PTPRK: variants seen among roughly 807,000 people sequenced by gnomAD.
PTPRK encodes the protein receptor-type tyrosine-protein phosphatase kappa.
Under a neutral mutation model 178.0 loss-of-function variants are expected in PTPRK, and 75 were observed. The observed-to-expected ratio is 0.42, with a 90% CI of 0.35 to 0.51. The LOEUF (loss-of-function observed/expected upper bound fraction) is 0.51, where lower values mean the gene tolerates loss of function less well. PTPRK is among the 20% of genes least tolerant of loss of function. The pLI is 0.02. For missense variants in PTPRK, 1,441 were observed against 1,797.8 expected (o/e 0.80, Z 3.59); for synonymous variants, 637 against 620.6 (o/e 1.03, Z -0.39).
intron 10 of PTPRK, among the ~76,000 whole-genome samples, chr6:128,080,403 T>C (rs543682033): frequency 1.3e-5 from 2 of 152,122 alleles, no homozygotes; most frequent in South Asian, 2.1e-4. Flanking sequence ...GGATTAAAGA[T>C]AGATATAGAA....
At chr6:128,422,487 T>A (rs1164477007) in intron 1 of PTPRK, among the ~76,000 whole-genome samples, 2 of 152,136 alleles carry the variant, frequency 1.3e-5, no homozygotes, top group African/African-American at 2.4e-5. Context: ...GCTTCTTGTT[T>A]ATTATTCACT....
intron 19 of PTPRK, among the ~76,000 whole-genome samples, chr6:127,992,324 G>A (rs1012244488): frequency 6.6e-6 from 1 of 151,740 alleles, no homozygotes; most frequent in Non-Finnish European, 1.5e-5. Flanking sequence ...CTTGCTGCAA[G>A]AAGACAGGCC....
chr6:128,421,236 G>A (rs1470379464), intron 1 of PTPRK, among the ~76,000 whole-genome samples: 2 of 151,986 alleles, frequency 1.3e-5, no homozygotes, highest in African/African-American at 4.8e-5. Flanking sequence ...AAGTTTTAGG[G>A]GAAAATAAAT....
intron 3 of PTPRK, among the ~76,000 whole-genome samples, chr6:128,245,409 G>A (rs9321113): frequency 0.1 from 15,344 of 152,126 alleles, 1,722 homozygotes; most frequent in East Asian, 0.34. Flanking sequence ...TTGACAAGAT[G>A]GCAGCATGGT....
At chr6:128,397,372 A>G (rs1381365681) in intron 2 of PTPRK, among the ~76,000 whole-genome samples, 194 bp downstream of exon 2, 1 of 151,704 alleles carries the variant, frequency 6.6e-6, no homozygotes, top group Non-Finnish European at 1.5e-5. Context: ...TTTTTTTTCA[A>G]AGACAACAAG....
intron 13 of PTPRK, among the ~76,000 whole-genome samples, chr6:128,037,873 C>T (rs1157636617): frequency 1.3e-5 from 2 of 152,122 alleles, no homozygotes; most frequent in Non-Finnish European, 2.9e-5. Context: ...GACAGCTGTA[C>T]ATATCATGGT....
intron 16 of PTPRK, among the ~76,000 whole-genome samples, chr6:127,997,548 T>G (rs1777299418): frequency 6.6e-6 from 1 of 152,104 alleles, no homozygotes; most frequent in Non-Finnish European, 1.5e-5. Flanking sequence ...AACAGAAGAA[T>G]TTGTTGACTA....
intron 7 of PTPRK, among the ~76,000 whole-genome samples, chr6:128,165,014 C>A (rs1187756618): frequency 6.6e-6 from 1 of 151,088 alleles, no homozygotes; most frequent in Non-Finnish European, 1.5e-5. Context: ...GTCCTTCATA[C>A]AAATTTTACA....
intron 15 of PTPRK, chr6:128,000,293 A>C: frequency 7.7e-7 from 1 of 1,301,762 alleles, no homozygotes; most frequent in Non-Finnish European, 1.0e-6. Context: ...ATATAGCAAA[A>C]AATGAATTGT....
At chr6:128,155,561 T>C (rs1797843783) in intron 7 of PTPRK, among the ~76,000 whole-genome samples, 1 of 151,554 alleles carries the variant, frequency 6.6e-6, no homozygotes, top group Non-Finnish European at 1.5e-5. Context: ...AATCTATAGA[T>C]TGGTGTAAAA....
intron 11 of PTPRK, among the ~76,000 whole-genome samples, chr6:128,073,432 T>C (rs996717771): frequency 1.5e-4 from 23 of 151,916 alleles, no homozygotes; most frequent in Non-Finnish European, 2.9e-4. Context: ...TATGGGTTGG[T>C]CAAGAAATCC....
At chr6:128,396,725 C>T (rs567974636) in intron 2 of PTPRK, among the ~76,000 whole-genome samples, 108 of 152,170 alleles carry the variant, frequency 7.1e-4, no homozygotes, top group African/African-American at 2.4e-3. Flanking sequence ...AGATGCTGGG[C>T]GCGGTGGCTC....
At chr6:128,272,525 A>G (rs1433268641) in intron 3 of PTPRK, among the ~76,000 whole-genome samples, 1 of 152,194 alleles carries the variant, frequency 6.6e-6, no homozygotes, top group African/African-American at 2.4e-5. Flanking sequence ...AAAATCAAAC[A>G]ATCTCATCAA....
At chr6:128,471,100 T>C (rs1269250459) in intron 1 of PTPRK, among the ~76,000 whole-genome samples, 1 of 152,064 alleles carries the variant, frequency 6.6e-6, no homozygotes, top group African/African-American at 2.4e-5. Context: ...GCAAATTTTA[T>C]GCAACACTGT....
chr6:128,012,822 AAG>A (rs1277359720), intron 13 of PTPRK, among the ~76,000 whole-genome samples: 1 of 151,420 alleles, frequency 6.6e-6, no homozygotes, highest in Admixed American at 6.6e-5. Flanking sequence ...TTAGAGATAG[AAG>A]CCTGTAAGTA....
At chr6:128,136,156 C>T (rs964676121) in intron 7 of PTPRK, among the ~76,000 whole-genome samples, 6 of 152,180 alleles carry the variant, frequency 3.9e-5, no homozygotes, top group African/African-American at 1.2e-4. Context: ...TGGCCATCTG[C>T]AAGCCAAGGA....
intron 5 of PTPRK, among the ~76,000 whole-genome samples, chr6:128,221,795 T>C (rs918993067): frequency 1.1e-4 from 17 of 151,986 alleles, no homozygotes; most frequent in Admixed American, 9.8e-4. Context: ...TTCCCTTGGA[T>C]AATAAGGAAC....
intron 7 of PTPRK, among the ~76,000 whole-genome samples, chr6:128,104,546 A>T (rs1178798174): frequency 6.6e-6 from 1 of 152,206 alleles, no homozygotes; most frequent in Non-Finnish European, 1.5e-5. Context: ...CCATACTAAA[A>T]TACTTGGTAC....
intron 3 of PTPRK, among the ~76,000 whole-genome samples, chr6:128,245,880 A>G: frequency 6.6e-6 from 1 of 152,218 alleles, no homozygotes; most frequent in East Asian, 1.9e-4. Context: ...AAAACCCTGT[A>G]TTATACTCCA....
Sources: allele counts gnomAD v4.1 joint callset (sites outside exome capture counted in the v4.1 genomes callset), GRCh38; gene constraint gnomAD v4.1.1; transcripts MANE v1.5; gene names NCBI Gene and HGNC (gene_info 2026-07-23, HGNC 2026-07-21).